The following NTNG1 variants were observed in gnomAD, a reference collection of about 807,000 sequenced individuals.
The protein encoded by NTNG1 is netrin-G1.
In NTNG1, 16 loss-of-function variants were observed where a neutral mutation model predicts 54.0. The observed-to-expected ratio is 0.30, with a 90% CI of 0.20 to 0.45. NTNG1 has a LOEUF of 0.45. NTNG1 is among the 20% of genes least tolerant of loss of function. The pLI is 1.00. For missense variants in NTNG1, 530 were observed against 678.7 expected (o/e 0.78, Z 2.43); for synonymous variants, 255 against 263.1 (o/e 0.97, Z 0.30).
chr1:107,430,361 T>C (rs1046953305), intron 5 of NTNG1, among the ~76,000 whole-genome samples: 2 of 152,112 alleles, frequency 1.3e-5, no homozygotes, highest in African/African-American at 4.8e-5. Context: ...TTTTTAAGGC[T>C]GAAAAGATGA....
intron 4 of NTNG1, among the ~76,000 whole-genome samples, chr1:107,401,987 A>G (rs1488584852): frequency 6.6e-6 from 1 of 151,862 alleles, no homozygotes; most frequent in Non-Finnish European, 1.5e-5. Flanking sequence ...CAGCAGTGCA[A>G]TTACCTGCTA....
At chr1:107,278,608 T>C (rs1269504217) in intron 2 of NTNG1, among the ~76,000 whole-genome samples, 1 of 152,196 alleles carries the variant, frequency 6.6e-6, no homozygotes, top group East Asian at 1.9e-4. Flanking sequence ...TTTGTTCTTA[T>C]GGTGAATTTA....
chr1:107,174,477 T>C (rs770321641), intron 2 of NTNG1, among the ~76,000 whole-genome samples: 9 of 152,100 alleles, frequency 5.9e-5, no homozygotes, highest in Non-Finnish European at 1.0e-4. Flanking sequence ...TTTGTTCTTC[T>C]GTAGAAGCCA....
intron 3 of NTNG1, among the ~76,000 whole-genome samples, chr1:107,340,210 C>T (rs1326590416): frequency 1.3e-5 from 2 of 152,000 alleles, no homozygotes; most frequent in African/African-American, 4.8e-5. Context: ...AGTACCAGAT[C>T]TGTATATATG....
rs1340414081 is a variant in NTNG1 at position 107,430,847 on chromosome 1, C to T, written c.1185C>T (p.His395=). The T allele has an allele frequency of 1.9e-6, 3 of 1,613,314 alleles. No homozygotes were observed. Among genetic ancestry groups the T allele is most frequent in the Admixed American group, 1.7e-5 (1 of 59,880 alleles). The part of the protein sequence containing the change: ...VSCKHNTRGQ[H]CELCRLGYFR... ...GTAAACACAACACTAGAGGGCAGCACTGTGAGTTATGCAGGCTGGGCTACT... is the reference window on the plus strand; with the variant it reads ...GTAAACACAACACTAGAGGGCAGCATTGTGAGTTATGCAGGCTGGGCTACT... Residue 395 remains histidine, a synonymous_variant, in exon 6 of 8, where the codon CAC becomes CAT. Coordinates refer to ENST00000370068, the MANE Select transcript of NTNG1 (RefSeq NM_001113226.3).
intron 2 of NTNG1, among the ~76,000 whole-genome samples, chr1:107,322,687 A>T (rs1264575980): frequency 6.6e-6 from 1 of 152,054 alleles, no homozygotes; most frequent in African/African-American, 2.4e-5. Flanking sequence ...TTTGAAGGGG[A>T]TACTATAAAT....
At chr1:107,465,873 T>C (rs1677573864) in intron 7 of NTNG1, among the ~76,000 whole-genome samples, 2 of 152,330 alleles carry the variant, frequency 1.3e-5, no homozygotes, top group South Asian at 4.1e-4. Flanking sequence ...TTATTAGATA[T>C]ATTCAATTAG....
Position 107,358,665 on chromosome 1 carries a change from GA to G in NTNG1, c.887+33754del, listed in dbSNP as rs200994855. On this transcript the variant is annotated intron_variant, in intron 3 of 7. Transcript: ENST00000370068. ...TACGATGATAATCAAATCATTCCAG[GA>G]AAAAAAAAAAGGCAGAGAGTTTAAC... Among the ~76,000 whole-genome samples the G allele has an allele frequency of 7.3e-3, 1,038 of 142,666 alleles. 7 individuals carry two copies. Among genetic ancestry groups the G allele is most frequent in the Non-Finnish European group, 0.01 (668 of 64,936 alleles). The allele number at this position is 142,666 out of a possible 152,430, so 93.6% of individuals were successfully genotyped here. A position where few individuals can be genotyped will look rare whatever the true frequency, so the allele number is the denominator to read the frequency against.
chr1:107,192,126 C>T (rs997318372), intron 2 of NTNG1, among the ~76,000 whole-genome samples: 2 of 152,066 alleles, frequency 1.3e-5, no homozygotes, highest in African/African-American at 4.8e-5. Context: ...TGTAGTTCTC[C>T]TTGAAGAGGT....
At chr1:107,189,515 G>C (rs938186257) in intron 2 of NTNG1, among the ~76,000 whole-genome samples, 1 of 150,626 alleles carries the variant, frequency 6.6e-6, no homozygotes, top group African/African-American at 2.4e-5. Flanking sequence ...TCAAAGTACT[G>C]TTTGCTACAC....
At chr1:107,290,985 A>C (rs900102266) in intron 2 of NTNG1, among the ~76,000 whole-genome samples, 13 of 139,486 alleles carry the variant, frequency 9.3e-5, no homozygotes, top group African/African-American at 3.4e-4. Context: ...ATATATATAT[A>C]CACACACACA....
intron 6 of NTNG1, among the ~76,000 whole-genome samples, chr1:107,435,560 C>G (rs1370652105): frequency 6.6e-6 from 1 of 152,070 alleles, no homozygotes; most frequent in Non-Finnish European, 1.5e-5. Flanking sequence ...AACTTAGAAT[C>G]AAACCCCTAG....
At chr1:107,430,083 C>T (rs1320950399) in intron 5 of NTNG1, among the ~76,000 whole-genome samples, 1 of 152,160 alleles carries the variant, frequency 6.6e-6, no homozygotes, top group Admixed American at 6.5e-5. Context: ...AGCACCTTTT[C>T]GCACAAATTA....
At chr1:107,369,025 A>T (rs1670760916) in intron 3 of NTNG1, among the ~76,000 whole-genome samples, 1 of 152,140 alleles carries the variant, frequency 6.6e-6, no homozygotes, top group Non-Finnish European at 1.5e-5. Context: ...GTTTTATATA[A>T]ATGGAATTAT....
At chr1:107,353,693 C>T (rs1669768122) in intron 3 of NTNG1, among the ~76,000 whole-genome samples, 1 of 152,146 alleles carries the variant, frequency 6.6e-6, no homozygotes, top group African/African-American at 2.4e-5. Context: ...CTCCTGAATA[C>T]CAATTTTTGT....
At chr1:107,386,861 C>T (rs1672032296) in intron 3 of NTNG1, among the ~76,000 whole-genome samples, 1 of 152,160 alleles carries the variant, frequency 6.6e-6, no homozygotes, top group Admixed American at 6.5e-5. Context: ...TTTTATACTC[C>T]CAATAGCAAT....
At chr1:107,408,023 T>C in intron 5 of NTNG1, 1 of 501,244 alleles carries the variant, frequency 2.0e-6, no homozygotes, top group Non-Finnish European at 3.8e-6. Context: ...TAGTCCTATT[T>C]ATCCATACTT....
At chr1:107,196,759 C>T (rs1658367765) in intron 2 of NTNG1, among the ~76,000 whole-genome samples, 1 of 151,588 alleles carries the variant, frequency 6.6e-6, no homozygotes, top group Non-Finnish European at 1.5e-5. Context: ...GTTCTACCTG[C>T]CAATATCAAT....
At chr1:107,225,558 A>G (rs944880990) in intron 2 of NTNG1, among the ~76,000 whole-genome samples, 1 of 152,162 alleles carries the variant, frequency 6.6e-6, no homozygotes, top group African/African-American at 2.4e-5. Flanking sequence ...CCTGAGCAAG[A>G]TACATAACCT....
Sources: gnomAD v4.1 joint callset for allele counts (sites outside exome capture counted in the v4.1 genomes callset) on GRCh38, gnomAD v4.1.1 for gene constraint, MANE v1.5 for transcripts, NCBI Gene and HGNC (gene_info 2026-07-23, HGNC 2026-07-21) for gene names.